Variants in DCX observed in about 807,000 individuals in gnomAD.
The protein encoded by DCX is doublecortin.
In DCX, 4 loss-of-function variants were observed where a neutral mutation model predicts 20.9. The observed-to-expected ratio is 0.19, with a 90% CI of 0.09 to 0.44. The LOEUF (loss-of-function observed/expected upper bound fraction) is 0.44. Ranked by LOEUF, DCX falls within the 20% of genes least tolerant of loss-of-function variation. The pLI is 0.99. For synonymous variants in DCX, 103 were observed against 111.4 expected, an observed-to-expected ratio of 0.92 and a Z score of 0.47; for missense variants, 133 against 296.9, an observed-to-expected ratio of 0.45 and a Z score of 4.06.
intron 3 of DCX, among the ~76,000 whole-genome samples, chrX:111,382,014 A>T (rs1416440924): frequency 8.9e-6 from 1 of 111,816 alleles, no homozygotes; most frequent in Non-Finnish European, 1.9e-5. Context: ...TGCTTTGGCA[A>T]TAGTCAGAAT....
chrX:111,388,516 T>C (rs937510749), intron 3 of DCX, among the ~76,000 whole-genome samples: 8 of 112,146 alleles, frequency 7.1e-5, no homozygotes, highest in African/African-American at 2.6e-4. Context: ...TGGTCATAGA[T>C]TTATATTTAA....
intron 3 of DCX, among the ~76,000 whole-genome samples, chrX:111,399,397 C>T (rs750953783): frequency 2.6e-4 from 29 of 111,442 alleles, no homozygotes; most frequent in Non-Finnish European, 4.9e-4. Flanking sequence ...GACTAAAGTC[C>T]AAATCTTCTT....
intron 3 of DCX, among the ~76,000 whole-genome samples, chrX:111,351,245 A>G (rs919204338): frequency 3.6e-5 from 4 of 111,883 alleles, no homozygotes; most frequent in African/African-American, 1.3e-4. Context: ...TTGCCAAACG[A>G]CTTTAGTCAA....
At chrX:111,369,967 G>A (rs756292427) in intron 3 of DCX, among the ~76,000 whole-genome samples, 3 of 111,583 alleles carry the variant, frequency 2.7e-5, no homozygotes, top group Non-Finnish European at 5.6e-5. Context: ...TTTGAGCCAG[G>A]CACTGCACTA....
At chrX:111,324,544 G>A (rs1015093447) in intron 5 of DCX, among the ~76,000 whole-genome samples, 2 of 111,553 alleles carry the variant, frequency 1.8e-5, no homozygotes, top group Non-Finnish European at 3.8e-5. Flanking sequence ...GTGTGATCTT[G>A]GGCAGGTCAC....
At chrX:111,367,351 A>G (rs775073876) in intron 3 of DCX, among the ~76,000 whole-genome samples, 2 of 112,082 alleles carry the variant, frequency 1.8e-5, no homozygotes, top group Admixed American at 9.5e-5. Flanking sequence ...TGTGAAATCT[A>G]GAGAGATGAT....
At chrX:111,366,291 T>C (rs1924628353) in intron 3 of DCX, among the ~76,000 whole-genome samples, 1 of 111,561 alleles carries the variant, frequency 9.0e-6, no homozygotes, top group African/African-American at 3.3e-5. Flanking sequence ...AATTAAACAG[T>C]AACAGCCAGG....
intron 2 of DCX, among the ~76,000 whole-genome samples, chrX:111,402,676 G>C (rs1927882650): frequency 9.0e-6 from 1 of 111,179 alleles, no homozygotes; most frequent in Admixed American, 9.6e-5. Context: ...TTTAAGACAT[G>C]TTAATGAATA....
chrX:111,353,403 T>C (rs1923481242), intron 3 of DCX, among the ~76,000 whole-genome samples: 1 of 111,900 alleles, frequency 8.9e-6, no homozygotes, highest in Non-Finnish European at 1.9e-5. Flanking sequence ...TAGTGCTATA[T>C]GAATACAGAT....
intron 5 of DCX, among the ~76,000 whole-genome samples, chrX:111,316,411 T>C (rs989248382): frequency 5.4e-5 from 6 of 110,612 alleles, no homozygotes; most frequent in Admixed American, 9.6e-5. Context: ...TTTGTATTTT[T>C]AGTAGAGATG....
At chrX:111,318,361 T>TATTATAATAATAATA (rs2095078568) in intron 5 of DCX, among the ~76,000 whole-genome samples, 2 of 100,106 alleles carry the variant, frequency 2.0e-5, no homozygotes, top group African/African-American at 7.7e-5. Context: ...AAACTTAAAG[T>TATTATAATAATAATA]ATAATAATAA....
At chrX:111,376,070 G>A in intron 3 of DCX, among the ~76,000 whole-genome samples, 1 of 112,256 alleles carries the variant, frequency 8.9e-6, no homozygotes, top group Non-Finnish European at 1.9e-5. Flanking sequence ...AGACAATAAG[G>A]TGAGGTTCTT....
chrX:111,394,047 T>C (rs1927146929), intron 3 of DCX, among the ~76,000 whole-genome samples: 1 of 112,003 alleles, frequency 8.9e-6, no homozygotes, highest in Non-Finnish European at 1.9e-5. Context: ...ACATGAAGGT[T>C]CATAGTAGCA....
intron 3 of DCX, among the ~76,000 whole-genome samples, chrX:111,342,639 A>C (rs1419960217): frequency 9.2e-6 from 1 of 108,513 alleles, no homozygotes; most frequent in African/African-American, 3.3e-5. Flanking sequence ...CATGGCACTT[A>C]TTCTAAAATC....
intron 2 of DCX, among the ~76,000 whole-genome samples, chrX:111,401,556 T>C (rs945149087): frequency 1.8e-5 from 2 of 112,094 alleles, no homozygotes; most frequent in African/African-American, 6.5e-5. Flanking sequence ...TGAAGAACTC[T>C]GTAAAGCTAA....
chrX:111,329,702 C>T (rs1355267266), intron 5 of DCX, among the ~76,000 whole-genome samples: 1 of 111,563 alleles, frequency 9.0e-6, no homozygotes, highest in African/African-American at 3.3e-5. Flanking sequence ...CCTGGGTTGC[C>T]TTTTCATACT....
intron 2 of DCX, among the ~76,000 whole-genome samples, chrX:111,407,802 GCACA>G (rs34206475): frequency 0.01 from 937 of 90,252 alleles, 8 homozygotes; most frequent in African/African-American, 0.03. Context: ...ACATCAATAC[GCACA>G]CACACACACA....
At chrX:111,409,712 T>C (rs751482300) in intron 2 of DCX, among the ~76,000 whole-genome samples, 1 of 111,870 alleles carries the variant, frequency 8.9e-6, no homozygotes, top group Non-Finnish European at 1.9e-5. Flanking sequence ...CCTTAATGAT[T>C]TCATGCTCTG....
chrX:111,319,719 C>A (rs905167760), intron 5 of DCX, among the ~76,000 whole-genome samples: 2 of 112,074 alleles, frequency 1.8e-5, no homozygotes, highest in South Asian at 7.5e-4. Flanking sequence ...TCTTGGAGAC[C>A]TATATGAGCT....
Sources: allele counts gnomAD v4.1 joint callset (sites outside exome capture counted in the v4.1 genomes callset), GRCh38; gene constraint gnomAD v4.1.1; transcripts MANE v1.5; gene names NCBI Gene and HGNC (gene_info 2026-07-23, HGNC 2026-07-21).